Variants in KLHDC1 observed in about 807,000 individuals in gnomAD.
KLHDC1 encodes kelch domain-containing protein 1.
KLHDC1 carries 53 observed loss-of-function variants against 68.3 expected under a neutral mutation model. The observed-to-expected ratio is 0.78, with a 90% CI of 0.62 to 0.98. The LOEUF (loss-of-function observed/expected upper bound fraction) is 0.98, where lower values mean the gene tolerates loss of function less well. Ranked by LOEUF, KLHDC1 falls within the 50% of genes least tolerant of loss-of-function variation. KLHDC1 has a pLI of 0.00. For synonymous variants in KLHDC1, 148 were observed against 159.0 expected (o/e 0.93, Z 0.52); for missense variants, 470 against 492.3 (o/e 0.95, Z 0.43).
At chr14:49,735,132 A>G (rs1285768879) in intron 10 of KLHDC1, among the ~76,000 whole-genome samples, 2 of 152,116 alleles carry the variant, frequency 1.3e-5, no homozygotes, top group African/African-American at 4.8e-5. Context: ...TGATGTATTC[A>G]TTGATGGGAA....
chr14:49,728,238 G>A (rs1374515046), intron 6 of KLHDC1, among the ~76,000 whole-genome samples: 4 of 152,184 alleles, frequency 2.6e-5, no homozygotes, highest in African/African-American at 4.8e-5. Flanking sequence ...CAGGAGAATC[G>A]CATAAACCCG....
chr14:49,737,874 A>C (rs957998385), intron 10 of KLHDC1, among the ~76,000 whole-genome samples: 1 of 151,574 alleles, frequency 6.6e-6, no homozygotes, highest in Non-Finnish European at 1.5e-5. Flanking sequence ...CAAAAAAAAA[A>C]AAAAAAAAAA....
At chr14:49,734,016 A>G (rs558628802) in intron 9 of KLHDC1, among the ~76,000 whole-genome samples, 1 of 152,210 alleles carries the variant, frequency 6.6e-6, no homozygotes, top group Non-Finnish European at 1.5e-5. Flanking sequence ...AAAAACTAAC[A>G]TCTGTACATT....
intron 1 of KLHDC1, among the ~76,000 whole-genome samples, chr14:49,696,976 G>A (rs927245606): frequency 2.7e-5 from 4 of 148,150 alleles, no homozygotes; most frequent in South Asian, 4.3e-4. Flanking sequence ...TCGCTCCATC[G>A]CCGAGGCTGG....
intron 1 of KLHDC1, among the ~76,000 whole-genome samples, chr14:49,702,984 C>G (rs940033084): frequency 6.6e-6 from 1 of 152,138 alleles, no homozygotes; most frequent in African/African-American, 2.4e-5. Context: ...TTGCATCGAC[C>G]AGAGGCTGGT....
At chr14:49,705,872 TAGTA>T (rs1888038375) in intron 1 of KLHDC1, among the ~76,000 whole-genome samples, 2 of 152,180 alleles carry the variant, frequency 1.3e-5, no homozygotes, top group African/African-American at 4.8e-5. Flanking sequence ...TGTGGGTACA[TAGTA>T]GGTGTATATA....
intron 4 of KLHDC1, among the ~76,000 whole-genome samples, chr14:49,717,420 A>G (rs1024262618): frequency 1.3e-5 from 2 of 152,248 alleles, no homozygotes; most frequent in East Asian, 3.9e-4. Flanking sequence ...ATACTAGCAG[A>G]TGTGAAATGG....
intron 1 of KLHDC1, among the ~76,000 whole-genome samples, chr14:49,694,074 T>G (rs2139723019): frequency 6.6e-6 from 1 of 152,248 alleles, no homozygotes; most frequent in East Asian, 1.9e-4. Flanking sequence ...ATTTCTAAGC[T>G]ATTTTTAGTG....
At chr14:49,702,180 A>C (rs553591672) in intron 1 of KLHDC1, among the ~76,000 whole-genome samples, 53 of 152,060 alleles carry the variant, frequency 3.5e-4, no homozygotes, top group African/African-American at 1.3e-3. Flanking sequence ...AAAAAAAAAA[A>C]AAAAAAAGAT....
chr14:49,707,136 A>C, intron 1 of KLHDC1, among the ~76,000 whole-genome samples: 1 of 152,050 alleles, frequency 6.6e-6, no homozygotes, highest in East Asian at 1.9e-4. Flanking sequence ...TAAGTCTTTA[A>C]TCCATTTTGA....
intron 12 of KLHDC1, among the ~76,000 whole-genome samples, chr14:49,750,546 T>C (rs1229607572): frequency 1.3e-5 from 2 of 152,106 alleles, no homozygotes; most frequent in South Asian, 4.1e-4. Context: ...CTTCAAAGAG[T>C]AGAGAAGAAC....
At chr14:49,732,638 A>C in intron 8 of KLHDC1, 66 bp from the exon 9 acceptor site, 2 of 773,080 alleles carry the variant, frequency 2.6e-6, no homozygotes, top group East Asian at 2.7e-5. Flanking sequence ...TTAAGATCTA[A>C]GATGATTAAA....
chr14:49,728,061 C>T (rs965871586), intron 6 of KLHDC1, among the ~76,000 whole-genome samples: 3 of 152,238 alleles, frequency 2.0e-5, no homozygotes, highest in African/African-American at 7.2e-5. Context: ...ATGGCTCACG[C>T]CTGTAATCTC....
chr14:49,723,105 AAAAAAAAAAG>A (rs1888576077), intron 4 of KLHDC1, among the ~76,000 whole-genome samples: 1 of 150,722 alleles, frequency 6.6e-6, no homozygotes, highest in Non-Finnish European at 1.5e-5. Context: ...AAAAAAAAAA[AAAAAAAAAAG>A]AAGAGAAAAC....
chr14:49,712,949 C>CT (rs765770912), intron 4 of KLHDC1, among the ~76,000 whole-genome samples: 185 of 136,938 alleles, frequency 1.4e-3, no homozygotes, highest in South Asian at 2.1e-3. Flanking sequence ...CCATAGCTAA[C>CT]TTTTTTTTTT....
At chr14:49,709,080 A>T in intron 1 of KLHDC1, 79 bp from the exon 2 acceptor site, 1 of 649,494 alleles carries the variant, frequency 1.5e-6, no homozygotes, top group Admixed American at 3.0e-5. Flanking sequence ...TTTATTAGCA[A>T]TTTTTCTCAT....
intron 11 of KLHDC1, among the ~76,000 whole-genome samples, chr14:49,742,381 C>T (rs1231755824): frequency 7.9e-5 from 12 of 152,100 alleles, no homozygotes; most frequent in Non-Finnish European, 5.9e-5. Flanking sequence ...TAAGAATTCC[C>T]GGGGAGGGCT....
At chr14:49,710,727 C>A (rs552901085) in intron 4 of KLHDC1, among the ~76,000 whole-genome samples, 1 of 152,140 alleles carries the variant, frequency 6.6e-6, no homozygotes, top group Non-Finnish European at 1.5e-5. Flanking sequence ...ATTCCTTCAA[C>A]GCTAGTTTTT....
At chr14:49,737,092 A>G (rs2096173844) in intron 10 of KLHDC1, among the ~76,000 whole-genome samples, 1 of 152,210 alleles carries the variant, frequency 6.6e-6, no homozygotes, top group South Asian at 2.1e-4. Flanking sequence ...GAGTATCGCC[A>G]AGGTTACACA....
Sources: gnomAD v4.1 joint callset for allele counts (sites outside exome capture counted in the v4.1 genomes callset) on GRCh38, gnomAD v4.1.1 for gene constraint, MANE v1.5 for transcripts, NCBI Gene and HGNC (gene_info 2026-07-23, HGNC 2026-07-21) for gene names.